The following PTPN14 variants were observed in gnomAD, a reference collection of about 807,000 sequenced individuals.
The protein encoded by PTPN14 is protein tyrosine phosphatase non-receptor type 14.
Under a neutral mutation model 126.8 loss-of-function variants are expected in PTPN14, and 53 were observed. The ratio of observed to expected loss-of-function variants is 0.42; its 90% CI spans 0.34 to 0.53. The LOEUF (loss-of-function observed/expected upper bound fraction) is 0.53. Ranked by LOEUF, PTPN14 falls within the 20% of genes least tolerant of loss-of-function variation. The pLI, the probability that PTPN14 is intolerant of heterozygous loss-of-function variation, is 0.08. For missense variants in PTPN14, 1,257 were observed against 1,552.9 expected (o/e 0.81, Z 3.20); for synonymous variants, 630 against 599.3 (o/e 1.05, Z -0.75).
At chr1:214,425,317 T>C (rs1659636032) in intron 3 of PTPN14, among the ~76,000 whole-genome samples, 2 of 152,130 alleles carry the variant, frequency 1.3e-5, no homozygotes, top group Admixed American at 1.3e-4. Context: ...AAAACAACAC[T>C]GGACTCAGCA....
At chr1:214,451,694 C>T (rs1004808933) in intron 3 of PTPN14, 111 bp downstream of exon 3, 31 of 1,269,616 alleles carry the variant, frequency 2.4e-5, no homozygotes, top group East Asian at 2.5e-5. Context: ...CCCCACCACA[C>T]ACCCGCACCC....
chr1:214,465,424 A>G (rs1241735995), intron 1 of PTPN14, among the ~76,000 whole-genome samples: 1 of 152,168 alleles, frequency 6.6e-6, no homozygotes, highest in Non-Finnish European at 1.5e-5. Flanking sequence ...AGCCTGGACA[A>G]CACAATGAGA....
At chr1:214,497,857 A>G (rs1404532195) in intron 1 of PTPN14, among the ~76,000 whole-genome samples, 2 of 152,196 alleles carry the variant, frequency 1.3e-5, no homozygotes, top group Non-Finnish European at 2.9e-5. Flanking sequence ...GGGGAAAAAA[A>G]AGGAAAATAT....
rs1657725661 is a variant in PTPN14, at chr1:214,352,501, A to AT, written c.*5420dup. ...ATTTGAGGTGGCAGAATTTGATGAG[A>AT]TTTCCCCCACATTTCTCCCTGGCAC... On this transcript the variant is annotated 3_prime_UTR_variant, in exon 19 of 19. Transcript: ENST00000366956. 1 of 152,178 alleles carries AT rather than the reference A, an allele frequency of 6.6e-6. No homozygotes were observed. Among genetic ancestry groups the AT allele is most frequent in the Non-Finnish European group, 1.5e-5 (1 of 68,048 alleles). The allele number at this position is 152,178 out of a possible 1,614,324, so 9.4% of individuals were successfully genotyped here. A position where few individuals can be genotyped will look rare whatever the true frequency, so the allele number is the denominator to read the frequency against.
At chr1:214,441,523 A>G (rs1660035908) in intron 3 of PTPN14, among the ~76,000 whole-genome samples, 1 of 152,198 alleles carries the variant, frequency 6.6e-6, no homozygotes. Flanking sequence ...TTCAGGAAAA[A>G]AGGTAGAGCA....
At chr1:214,424,373 C>T (rs1659612804) in intron 3 of PTPN14, among the ~76,000 whole-genome samples, 1 of 151,474 alleles carries the variant, frequency 6.6e-6, no homozygotes, top group Admixed American at 6.6e-5. Flanking sequence ...CAAACAAACA[C>T]AAAAGCTGGA....
chr1:214,358,171 G>A (rs1657869432), intron 18 of PTPN14, 121 bp from the exon 19 acceptor site: 1 of 1,240,554 alleles, frequency 8.1e-7, no homozygotes, highest in South Asian at 1.7e-5. Context: ...GAGAAGGCAA[G>A]GGACTCTGCC....
intron 3 of PTPN14, among the ~76,000 whole-genome samples, chr1:214,426,773 A>C (rs1274370427): frequency 1.3e-5 from 2 of 152,152 alleles, no homozygotes; most frequent in African/African-American, 4.8e-5. Context: ...GAGCGCATTA[A>C]ATGTCTCTTT....
chr1:214,348,867 T>A lies in PTPN14; in HGVS notation c.*9055A>T, dbSNP rs1226994028. 4 of 152,142 alleles carry A rather than the reference T, an allele frequency of 2.6e-5. No individual in the cohort carries two copies. The highest frequency in any genetic ancestry group is 9.7e-5 in the African/African-American group (4 of 41,448). The allele number at this position is 152,142 out of a possible 1,614,324, so 9.4% of individuals were successfully genotyped here. Reference sequence around the variant, plus strand: ...GGTCCAATATCTAAATAAGACTTTATAAAAACAGATAGGAAACAGTGCAAA... The same window carrying A: ...GGTCCAATATCTAAATAAGACTTTAAAAAAACAGATAGGAAACAGTGCAAA... On this transcript the variant is annotated 3_prime_UTR_variant, in exon 19 of 19. Coordinates refer to ENST00000366956, the MANE Select transcript of PTPN14 (RefSeq NM_005401.5).
intron 1 of PTPN14, among the ~76,000 whole-genome samples, chr1:214,499,721 G>A (rs1031588245): frequency 6.6e-6 from 1 of 152,004 alleles, no homozygotes; most frequent in African/African-American, 2.4e-5. Flanking sequence ...TAAATGGTTA[G>A]GCTATCAAAT....
intron 3 of PTPN14, among the ~76,000 whole-genome samples, chr1:214,448,433 A>G (rs192722493): frequency 1.1e-3 from 153 of 144,122 alleles, no homozygotes; most frequent in African/African-American, 3.8e-3. Context: ...TTTAGTAGAG[A>G]TCGGGTTTCA....
chr1:214,545,341 T>C (rs1571662299), intron 1 of PTPN14, among the ~76,000 whole-genome samples: 1 of 151,788 alleles, frequency 6.6e-6, no homozygotes, highest in Non-Finnish European at 1.5e-5. Context: ...GGTCATCCTA[T>C]GGTGCAAAGG....
chr1:214,420,559 C>G (rs1039009246), intron 3 of PTPN14, among the ~76,000 whole-genome samples: 1 of 152,180 alleles, frequency 6.6e-6, no homozygotes, highest in Non-Finnish European at 1.5e-5. Flanking sequence ...AGACATGCCA[C>G]GACCTGATCC....
intron 1 of PTPN14, among the ~76,000 whole-genome samples, chr1:214,496,231 A>T (rs1223298782): frequency 6.6e-6 from 1 of 152,166 alleles, no homozygotes; most frequent in Non-Finnish European, 1.5e-5. Context: ...TGAACAGGTG[A>T]GAGAGGTACC....
chr1:214,484,590 AC>A (rs1036127602), intron 1 of PTPN14, among the ~76,000 whole-genome samples: 6 of 152,096 alleles, frequency 3.9e-5, no homozygotes, highest in Admixed American at 2.0e-4. Flanking sequence ...GGTTTCAGAA[AC>A]CCCCCCAACA....
rs577981322 is a variant in PTPN14 at position 214,395,659 on chromosome 1, G to C, written c.759-673C>G. ...CAGAGTTTCCTTCCCTGTCTTCATG[G>C]AGACCTTATCTAAAAGGAGATACAC... On this transcript the variant is annotated intron_variant, in intron 8 of 18. Coordinates refer to ENST00000366956, the MANE Select transcript of PTPN14 (RefSeq NM_005401.5). Among the ~76,000 whole-genome samples the C allele has an allele frequency of 1.0e-3, 151 of 147,346 alleles. 1 individual carries two copies. The highest frequency in any genetic ancestry group is 1.8e-3 in the Non-Finnish European group (121 of 67,190).
intron 1 of PTPN14, among the ~76,000 whole-genome samples, chr1:214,475,422 C>T (rs1660846861): frequency 6.6e-6 from 1 of 152,190 alleles, no homozygotes; most frequent in Admixed American, 6.5e-5. Context: ...ATAAAGGACT[C>T]TTCCTGGTCC....
chr1:214,433,345 G>T (rs1384430707), intron 3 of PTPN14, among the ~76,000 whole-genome samples: 1 of 151,898 alleles, frequency 6.6e-6, no homozygotes, highest in Non-Finnish European at 1.5e-5. Flanking sequence ...AAACTGGCAG[G>T]GTCTAGTGTA....
intron 1 of PTPN14, chr1:214,483,512 G>C (rs1482487879): frequency 4.5e-6 from 3 of 667,054 alleles, no homozygotes; most frequent in Non-Finnish European, 7.9e-6. Flanking sequence ...TCACTGTCTT[G>C]AAGTTTCTTC....
Sources: allele counts gnomAD v4.1 joint callset (sites outside exome capture counted in the v4.1 genomes callset), GRCh38; gene constraint gnomAD v4.1.1; transcripts MANE v1.5; gene names NCBI Gene and HGNC (gene_info 2026-07-23, HGNC 2026-07-21).